Variants in SF3A2 observed in about 807,000 individuals in gnomAD.
SF3A2 encodes splicing factor 3a subunit 2, also known as SAP 62.
A neutral mutation model predicts 31.1 loss-of-function variants in SF3A2; 5 were observed. That is an observed-to-expected ratio of 0.16 (90% CI 0.08 to 0.34). The LOEUF (loss-of-function observed/expected upper bound fraction) is 0.34, where lower values mean the gene tolerates loss of function less well. SF3A2 is among the 10% of genes least tolerant of loss of function. The pLI is 1.00. For synonymous variants in SF3A2, 365 were observed against 263.7 expected (o/e 1.38, Z -3.72); for missense variants, 577 against 643.9 (o/e 0.90, Z 1.13).
chr19:2,246,277 A>G lies in SF3A2; in HGVS notation c.356-476A>G, dbSNP rs2024931904. Among the ~76,000 whole-genome samples, 3 of 151,642 alleles carry G rather than the reference A, an allele frequency of 2.0e-5. No individual in the cohort carries two copies. Among genetic ancestry groups the G allele is most frequent in the Admixed American group, 6.6e-5 (1 of 15,252 alleles). On this transcript the variant is annotated intron_variant, in intron 5 of 8. Coordinates refer to ENST00000221494, the MANE Select transcript of SF3A2 (RefSeq NM_007165.5). This position sits in a 1 kb window ranked among gnomAD's most constrained non-coding sequence, Gnocchi z 5.5. ...TGTGAGTGTGCGTGTCTGAGGCCGC[A>G]TGGAGAGTGGCCGGGCGGCAGGCAG...
intron 2 of SF3A2, among the ~76,000 whole-genome samples, chr19:2,243,861 T>G (rs541106691): frequency 6.6e-6 from 1 of 152,270 alleles, no homozygotes; most frequent in African/African-American, 2.4e-5. Flanking sequence ...AGCCTTTGAT[T>G]TTAGCTTGTG....
intron 7 of SF3A2, 110 bp downstream of exon 7, chr19:2,247,132 C>A: frequency 1.4e-6 from 2 of 1,447,154 alleles, no homozygotes; most frequent in Non-Finnish European, 1.8e-6. Context: ...CCCTGGGCCC[C>A]CCCCAAGTCG....
chr19:2,245,589 G>A lies in SF3A2; in HGVS notation c.355+34G>A, dbSNP rs963722993. 1.3e-5 allele frequency: 18 copies of A among 1,438,668 alleles called. No homozygotes were observed. Among genetic ancestry groups the A allele is most frequent in the African/African-American group, 8.5e-5 (6 of 70,996 alleles). The allele number at this position is 1,438,668 out of a possible 1,614,324, so 89.1% of individuals were successfully genotyped here. A position where few individuals can be genotyped will look rare whatever the true frequency, so the allele number is the denominator to read the frequency against. On this transcript the variant is annotated intron_variant, in intron 5 of 8. Transcript: ENST00000221494. The surrounding 1 kb of genome is among the most constrained non-coding windows in gnomAD (Gnocchi z 4.2). ...GCCCGCAGCGGGGCCGGCCACAGCCGCTGCCGTGACATAAGTGTGTTCTTT... is the reference window on the plus strand; with the variant it reads ...GCCCGCAGCGGGGCCGGCCACAGCCACTGCCGTGACATAAGTGTGTTCTTT...
rs370286568 is a variant in SF3A2 at position 2,244,619 on chromosome 19, C to T, written c.198+4C>T. On this transcript the variant is annotated splice_donor_region_variant and intron_variant, in intron 3 of 8. Transcript: ENST00000221494. ...CCTGACACTTCACAACAATGAGGTG[C>T]GGCCTCTGCCTGGCTCCGGGCGGCT... 57 of 1,613,564 alleles carry T rather than the reference C, an allele frequency of 3.5e-5. No individual in the cohort carries two copies. The highest frequency in any genetic ancestry group is 6.7e-5 in the African/African-American group (5 of 74,932).
chr19:2,247,128 GC>G (rs59758246), intron 7 of SF3A2, 106 bp downstream of exon 7: 20 of 1,150,144 alleles, frequency 1.7e-5, no homozygotes, highest in Admixed American at 2.9e-5. Flanking sequence ...GGTCCCCTGG[GC>G]CCCCCCCAAG....
At position 2,248,170 on chromosome 19, in the gene SF3A2, C is replaced by CCCCCGGAGTCCACCCTCCAG. The variant is rs775682619; in HGVS notation, c.1025_1026insAGTCCACCCTCCAGCCCCGG (p.Val350PhefsTer103). On this transcript the variant is annotated frameshift_variant, in exon 9 of 9. Transcript: ENST00000221494. LOFTEE classifies it low-confidence loss of function (END_TRUNC). ...CCAGCTCCTGGAGTCCACCCTCCAGCCCCCGGGGTTCACCCACCAGCCCCC... is the reference window on the plus strand; with the variant it reads ...CCAGCTCCTGGAGTCCACCCTCCAGCCCCCGGAGTCCACCCTCCAGCCCCGGGGTTCACCCACCAGCCCCC... 7 of 1,464,862 alleles carry CCCCCGGAGTCCACCCTCCAG rather than the reference C, an allele frequency of 4.8e-6. No individual in the cohort carries two copies. Among genetic ancestry groups the CCCCCGGAGTCCACCCTCCAG allele is most frequent in the South Asian group, 1.2e-5 (1 of 80,494 alleles). The allele number at this position is 1,464,862 out of a possible 1,614,324, so 90.7% of individuals were successfully genotyped here.
At chr19:2,238,155 C>T (rs1341850006) in intron 1 of SF3A2, among the ~76,000 whole-genome samples, 1 of 152,206 alleles carries the variant, frequency 6.6e-6, no homozygotes, top group Non-Finnish European at 1.5e-5. Context: ...TCTCGAGTAG[C>T]TGGGATCACA....
Position 2,245,112 on chromosome 19 carries a change from A to G in SF3A2, c.245+333A>G. 2.0e-6 allele frequency: 1 copy of G among 496,562 alleles called. No individual in the cohort carries two copies. The highest frequency in any genetic ancestry group is 3.6e-6 in the Non-Finnish European group (1 of 278,834). 30.8% of individuals were successfully genotyped at this position (496,562 alleles called of 1,614,324 possible). A position where few individuals can be genotyped will look rare whatever the true frequency, so the allele number is the denominator to read the frequency against. On this transcript the variant is annotated intron_variant, in intron 4 of 8. Coordinates refer to ENST00000221494, the MANE Select transcript of SF3A2 (RefSeq NM_007165.5). This position sits in a 1 kb window ranked among gnomAD's most constrained non-coding sequence, Gnocchi z 4.2. Reference sequence around the variant, plus strand: ...GAGGCAGGAGAATCTTGAATCTGGGAGGCAGAGATTGCAGTGAACCAAGGT... The same window carrying G: ...GAGGCAGGAGAATCTTGAATCTGGGGGGCAGAGATTGCAGTGAACCAAGGT...
rs1390021481 is a variant in SF3A2 at position 2,245,136 on chromosome 19, G to C, written c.246-310G>C. 2.0e-6 allele frequency: 1 copy of C among 501,780 alleles called. No individual in the cohort carries two copies. Among genetic ancestry groups the C allele is most frequent in the East Asian group, 3.3e-5 (1 of 30,100 alleles). 31.1% of individuals were successfully genotyped at this position (501,780 alleles called of 1,614,324 possible). On this transcript the variant is annotated intron_variant, in intron 4 of 8. Transcript: ENST00000221494. The surrounding 1 kb of genome is among the most constrained non-coding windows in gnomAD (Gnocchi z 4.2). ...GAGGCAGAGATTGCAGTGAACCAAG[G>C]TGCTGCCACTGTACTCCATCCTGGG...
intron 2 of SF3A2, among the ~76,000 whole-genome samples, chr19:2,243,972 G>A (rs1177195807): frequency 6.6e-6 from 1 of 152,208 alleles, no homozygotes; most frequent in Non-Finnish European, 1.5e-5. Flanking sequence ...CCTATGGCAA[G>A]GGCTCTGTTA....
chr19:2,237,538 G>T (rs529936399), intron 1 of SF3A2: 2 of 151,902 alleles, frequency 1.3e-5, no homozygotes, highest in African/African-American at 4.8e-5. Flanking sequence ...AGTTGTGATT[G>T]TGCCGTTGCA....
chr19:2,248,330 G>A lies in SF3A2; in HGVS notation c.1179G>A (p.Val393=), dbSNP rs1313959203. The A allele has an allele frequency of 7.3e-7, 1 of 1,361,818 alleles. No individual in the cohort carries two copies. Among genetic ancestry groups the A allele is most frequent in the Non-Finnish European group, 9.4e-7 (1 of 1,061,656 alleles). The allele number at this position is 1,361,818 out of a possible 1,614,324, so 84.4% of individuals were successfully genotyped here. A position where few individuals can be genotyped will look rare whatever the true frequency, so the allele number is the denominator to read the frequency against. ...CCGTTCACCCTCAGGCCCCAGGGGT[G>A]CACCCACCAGCCCCAGGGATGCACC... is the stretch of plus-strand genomic sequence containing the variant. ...APAVHPQAPG[V]HPPAPGMHPQ... is the part of the protein sequence containing the mutation. Residue 393 remains valine, a synonymous_variant, in exon 9 of 9, where the codon GTG becomes GTA. Transcript: ENST00000221494.
chr19:2,240,425 C>T lies in SF3A2; in HGVS notation c.-37-2957C>T, dbSNP rs562114116. Among the ~76,000 whole-genome samples the T allele has an allele frequency of 1.8e-4, 28 of 152,322 alleles. No individual in the cohort carries two copies. The East Asian group carries it at 2.1e-3, about 12-fold the overall frequency. ...GGCGATCCGAGCGTGGGACCTTCCC[C>T]GGGGTGCCGCCCCATTTCAGCTGCT... On this transcript the variant is annotated intron_variant, in intron 1 of 8. Transcript: ENST00000221494.
chr19:2,242,827 G>A (rs2024902600), intron 1 of SF3A2, among the ~76,000 whole-genome samples: 2 of 152,112 alleles, frequency 1.3e-5, no homozygotes, highest in Admixed American at 1.3e-4. Flanking sequence ...AAGCAGATGT[G>A]GCAGATCTCC....
Position 2,247,757 on chromosome 19 carries a change from G to A in SF3A2, c.616-10G>A, listed in dbSNP as rs200809541. 133 of 1,611,548 alleles carry A rather than the reference G, an allele frequency of 8.3e-5. 1 individual carries two copies. Among genetic ancestry groups the A allele is most frequent in the Non-Finnish European group, 9.8e-5 (115 of 1,179,294 alleles). On this transcript the variant is annotated splice_polypyrimidine_tract_variant and intron_variant, in intron 8 of 8. Coordinates refer to ENST00000221494, the MANE Select transcript of SF3A2 (RefSeq NM_007165.5). ...ACCCGTGCCTGCTGAACCTTTCTCC[G>A]TCTCTCTAGTTCTTCCTCCAGTTCC... is the stretch of plus-strand genomic sequence containing the variant.
In SF3A2 at chr19:2,245,616, G is replaced by A. The variant is rs1277868718; in HGVS notation, c.355+61G>A. The A allele has an allele frequency of 2.4e-6, 3 of 1,262,014 alleles. No individual in the cohort carries two copies. Among genetic ancestry groups the A allele is most frequent in the African/African-American group, 1.5e-5 (1 of 67,452 alleles). 78.2% of individuals were successfully genotyped at this position (1,262,014 alleles called of 1,614,324 possible). ...TGCCGTGACATAAGTGTGTTCTTTA[G>A]TCTCCAGTGCGGGAGGTGCAGCCCT... is the stretch of plus-strand genomic sequence containing the variant. On this transcript the variant is annotated intron_variant, in intron 5 of 8. Transcript: ENST00000221494. The surrounding 1 kb of genome is among the most constrained non-coding windows in gnomAD (Gnocchi z 4.2).
intron 7 of SF3A2, chr19:2,247,247 G>A (rs745844841): frequency 9.1e-6 from 5 of 552,372 alleles, no homozygotes; most frequent in Non-Finnish European, 1.3e-5. Flanking sequence ...AGGCCGGCAG[G>A]GCTGAGCGCC....
chr19:2,245,605 T>C lies in SF3A2; in HGVS notation c.355+50T>C, dbSNP rs955322323. ...GCCACAGCCGCTGCCGTGACATAAG[T>C]GTGTTCTTTAGTCTCCAGTGCGGGA... On this transcript the variant is annotated intron_variant, in intron 5 of 8. Coordinates refer to ENST00000221494, the MANE Select transcript of SF3A2 (RefSeq NM_007165.5). The surrounding 1 kb of genome is among the most constrained non-coding windows in gnomAD (Gnocchi z 4.2). 6 of 1,347,976 alleles carry C rather than the reference T, an allele frequency of 4.5e-6. No homozygotes were observed. Among genetic ancestry groups the C allele is most frequent in the East Asian group, 2.5e-5 (1 of 39,992 alleles). The allele number at this position is 1,347,976 out of a possible 1,614,324, so 83.5% of individuals were successfully genotyped here.
intron 1 of SF3A2, among the ~76,000 whole-genome samples, chr19:2,238,439 G>T (rs2024858107): frequency 6.6e-6 from 1 of 152,152 alleles, no homozygotes; most frequent in African/African-American, 2.4e-5. Flanking sequence ...GACATCATCT[G>T]CTGATTTCTT....
Sources: allele counts gnomAD v4.1 joint callset (sites outside exome capture counted in the v4.1 genomes callset), GRCh38; gene constraint gnomAD v4.1.1; non-coding constraint Gnocchi (gnomAD v3.1); transcripts MANE v1.5; gene names NCBI Gene and HGNC (gene_info 2026-07-23, HGNC 2026-07-21).